RNF24: variants seen among roughly 807,000 people sequenced by gnomAD.
The protein encoded by RNF24 is ring finger protein 24.
RNF24 carries 14 observed loss-of-function variants against 20.0 expected under a neutral mutation model. The observed-to-expected ratio is 0.70, with a 90% CI of 0.46 to 1.10. The LOEUF (loss-of-function observed/expected upper bound fraction) is 1.10. RNF24 is among the 50% of genes least tolerant of loss of function. The pLI is 0.00. For missense variants in RNF24, 124 were observed against 177.6 expected, an observed-to-expected ratio of 0.70 and a Z score of 1.71; for synonymous variants, 45 against 61.1, an observed-to-expected ratio of 0.74 and a Z score of 1.23.
intron 3 of RNF24, among the ~76,000 whole-genome samples, chr20:3,946,158 T>C (rs1440535538): frequency 6.6e-6 from 1 of 152,184 alleles, no homozygotes; most frequent in Non-Finnish European, 1.5e-5. Flanking sequence ...TACAAATATC[T>C]TGTAAGCTGT....
At chr20:3,999,176 A>C (rs1309213521) in intron 1 of RNF24, among the ~76,000 whole-genome samples, 1 of 152,242 alleles carries the variant, frequency 6.6e-6, no homozygotes, top group Non-Finnish European at 1.5e-5. Flanking sequence ...CTGGAAAATT[A>C]GTTACAAGAG....
chr20:3,959,938 C>T (rs2091183682), intron 2 of RNF24, among the ~76,000 whole-genome samples: 1 of 152,088 alleles, frequency 6.6e-6, no homozygotes, highest in Non-Finnish European at 1.5e-5. Flanking sequence ...AAAATATGAA[C>T]AAACATAAAT....
At chr20:3,955,441 T>G (rs562421508) in intron 2 of RNF24, among the ~76,000 whole-genome samples, 12 of 152,346 alleles carry the variant, frequency 7.9e-5, no homozygotes, top group African/African-American at 2.6e-4. Flanking sequence ...CAATTTGTCA[T>G]AGATGTTTGG....
chr20:3,933,254 G>A lies in RNF24; in HGVS notation c.*809C>T, dbSNP rs1050169002. 2.5e-6 allele frequency: 1 copy of A among 398,108 alleles called. No homozygotes were observed. Among genetic ancestry groups the A allele is most frequent in the Admixed American group, 4.4e-5 (1 of 22,714 alleles). 24.7% of individuals were successfully genotyped at this position (398,108 alleles called of 1,614,324 possible). The stretch of plus-strand genomic sequence containing the variant: ...GAGGTTCACAGTGGCTCCCTTCTGA[G>A]GCAGTGGCAGTGGGCTCACAGCAGC... On this transcript the variant is annotated 3_prime_UTR_variant, in exon 6 of 6. Coordinates refer to ENST00000358395, the MANE Select transcript of RNF24 (RefSeq NM_001134337.3).
At chr20:3,964,764 C>A (rs950584532) in intron 1 of RNF24, among the ~76,000 whole-genome samples, 3 of 152,162 alleles carry the variant, frequency 2.0e-5, no homozygotes, top group African/African-American at 7.2e-5. Flanking sequence ...GCAATCATCC[C>A]TACTTGGCCT....
intron 1 of RNF24, among the ~76,000 whole-genome samples, chr20:4,014,061 G>A (rs1295001009): frequency 1.3e-5 from 2 of 152,194 alleles, no homozygotes; most frequent in South Asian, 4.1e-4. Context: ...CAGAGTCAAC[G>A]TTTGTGGGAA....
chr20:3,935,234 G>C lies in RNF24; in HGVS notation c.229-161C>G, dbSNP rs145817279. 3.5e-3 allele frequency among the ~76,000 whole-genome samples: 534 copies of C among 152,126 alleles called. 2 individuals carry two copies. Among genetic ancestry groups the C allele is most frequent in the Non-Finnish European group, 5.9e-3 (401 of 67,994 alleles). On this transcript the variant is annotated intron_variant, in intron 4 of 5. Transcript: ENST00000358395. ...ATGAATAAATGACTGAAAAGAAACA[G>C]GCCAAAATAGATGAATGTCTCCTGC...
At chr20:3,942,317 T>C (rs1201742965) in intron 4 of RNF24, among the ~76,000 whole-genome samples, 1 of 146,684 alleles carries the variant, frequency 6.8e-6, no homozygotes, top group Non-Finnish European at 1.5e-5. Flanking sequence ...TATACATGTG[T>C]GCCACCAGGC....
chr20:3,991,791 T>C (rs1480812797), intron 1 of RNF24, among the ~76,000 whole-genome samples: 1 of 152,174 alleles, frequency 6.6e-6, no homozygotes, highest in Admixed American at 6.5e-5. Flanking sequence ...TAATTATACA[T>C]TTATAATTAT....
At chr20:3,948,611 TAC>T (rs2091047399) in intron 2 of RNF24, among the ~76,000 whole-genome samples, 1 of 151,966 alleles carries the variant, frequency 6.6e-6, no homozygotes, top group African/African-American at 2.4e-5. Context: ...ACCTTAAGTA[TAC>T]AGCTCAAAAT....
intron 1 of RNF24, among the ~76,000 whole-genome samples, chr20:4,008,189 A>G (rs1461871432): frequency 6.8e-6 from 1 of 146,926 alleles, no homozygotes; most frequent in East Asian, 2.0e-4. Context: ...TATTAACCAC[A>G]TTACAAATGA....
intron 4 of RNF24, among the ~76,000 whole-genome samples, chr20:3,938,741 GT>G (rs1045360977): frequency 1.3e-5 from 2 of 151,948 alleles, no homozygotes; most frequent in Admixed American, 1.3e-4. Flanking sequence ...AAGCACAAAA[GT>G]TTTTAATTTT....
chr20:3,977,581 C>G (rs1055691564), intron 1 of RNF24, among the ~76,000 whole-genome samples: 2 of 152,056 alleles, frequency 1.3e-5, no homozygotes, highest in African/African-American at 4.8e-5. Flanking sequence ...TAAAAAGGCT[C>G]TAGGCCAGGC....
chr20:4,012,197 G>C (rs1263667636), intron 1 of RNF24, among the ~76,000 whole-genome samples: 4 of 152,148 alleles, frequency 2.6e-5, no homozygotes, highest in African/African-American at 9.7e-5. Flanking sequence ...CAGATGGCTT[G>C]AGGCCAGGAG....
intron 3 of RNF24, among the ~76,000 whole-genome samples, chr20:3,946,720 A>G (rs1280269629): frequency 1.3e-5 from 2 of 150,430 alleles, no homozygotes; most frequent in Non-Finnish European, 3.0e-5. Flanking sequence ...AAAGATTATG[A>G]TAGGACTGAG....
intron 3 of RNF24, 39 bp downstream of exon 3, chr20:3,948,197 GA>G (rs111948308): frequency 0.034 from 44,210 of 1,300,864 alleles, 699 homozygotes; most frequent in African/African-American, 0.069. Flanking sequence ...TTTTTGGGGG[GA>G]AAAAAAAAAT....
chr20:3,935,188 T>C, intron 4 of RNF24, 115 bp from the exon 5 acceptor site: 10 of 671,276 alleles, frequency 1.5e-5, no homozygotes, highest in Non-Finnish European at 2.5e-5. Flanking sequence ...GAGACTCTTA[T>C]CTTAAAAAAA....
chr20:3,972,940 C>T (rs1480788509), intron 1 of RNF24, among the ~76,000 whole-genome samples: 3 of 151,514 alleles, frequency 2.0e-5, no homozygotes, highest in Admixed American at 6.6e-5. Flanking sequence ...GGATGGCTCA[C>T]GCCTGTAATC....
chr20:3,983,003 A>G (rs1979552157), intron 1 of RNF24, among the ~76,000 whole-genome samples: 1 of 152,222 alleles, frequency 6.6e-6, no homozygotes, highest in Admixed American at 6.5e-5. Context: ...GGAAGAGTTC[A>G]GACCCCTTTT....
Sources: gnomAD v4.1 joint callset for allele counts (sites outside exome capture counted in the v4.1 genomes callset) on GRCh38, gnomAD v4.1.1 for gene constraint, MANE v1.5 for transcripts, NCBI Gene and HGNC (gene_info 2026-07-23, HGNC 2026-07-21) for gene names.